CA10: variants seen among roughly 807,000 people sequenced by gnomAD.
The protein encoded by CA10 is carbonic anhydrase 10 (inactive), also known as carbonic anhydrase-related protein 10.
In CA10, 14 loss-of-function variants were observed where a neutral mutation model predicts 44.2. The observed-to-expected ratio is 0.32, with a 90% CI of 0.21 to 0.50. CA10 has a LOEUF of 0.50. Ranked by LOEUF, CA10 falls within the 20% of genes least tolerant of loss-of-function variation. The pLI is 0.99. For missense variants in CA10, 350 were observed against 409.7 expected (o/e 0.85, Z 1.26); for synonymous variants, 159 against 141.6 (o/e 1.12, Z -0.87).
intron 3 of CA10, among the ~76,000 whole-genome samples, chr17:51,904,143 C>G (rs1255693135): frequency 6.6e-6 from 1 of 151,344 alleles, no homozygotes; most frequent in African/African-American, 2.4e-5. Context: ...AGTGTTAAAA[C>G]TGAGAAAGCC....
At chr17:51,670,561 T>G (rs893965637) in intron 4 of CA10, among the ~76,000 whole-genome samples, 1 of 152,090 alleles carries the variant, frequency 6.6e-6, no homozygotes, top group South Asian at 2.1e-4. Context: ...CTTCTCTTGT[T>G]GGGCCCTGGC....
chr17:51,953,857 A>G (rs575077023), intron 2 of CA10, among the ~76,000 whole-genome samples: 1 of 152,284 alleles, frequency 6.6e-6, no homozygotes, highest in South Asian at 2.1e-4. Context: ...ATAAAAAGGG[A>G]AAGCAAGGTT....
intron 3 of CA10, among the ~76,000 whole-genome samples, chr17:51,857,664 G>A (rs1979114359): frequency 6.6e-6 from 1 of 152,160 alleles, no homozygotes; most frequent in Non-Finnish European, 1.5e-5. Context: ...TGGGGAAAGA[G>A]CAGCAGTCCT....
At chr17:51,799,234 G>T (rs927359869) in intron 3 of CA10, among the ~76,000 whole-genome samples, 1 of 152,070 alleles carries the variant, frequency 6.6e-6, no homozygotes, top group Non-Finnish European at 1.5e-5. Context: ...CAGTTATTTA[G>T]TTCCTTAACA....
At chr17:51,837,163 G>C (rs944822838) in intron 3 of CA10, among the ~76,000 whole-genome samples, 4 of 152,086 alleles carry the variant, frequency 2.6e-5, no homozygotes, top group African/African-American at 7.2e-5. Flanking sequence ...ATTGAGGTTA[G>C]TGCTATGTAA....
chr17:51,661,145 T>TTCCC (rs1913993072), intron 4 of CA10, among the ~76,000 whole-genome samples: 1 of 152,190 alleles, frequency 6.6e-6, no homozygotes, highest in African/African-American at 2.4e-5. Flanking sequence ...TAGACTGACT[T>TTCCC]TAGGCTTCAT....
intron 3 of CA10, among the ~76,000 whole-genome samples, chr17:51,780,330 G>A (rs1906008742): frequency 1.3e-5 from 2 of 152,180 alleles, no homozygotes; most frequent in Non-Finnish European, 2.9e-5. Flanking sequence ...GCTCATCAAG[G>A]TGGAGAGACT....
intron 3 of CA10, among the ~76,000 whole-genome samples, chr17:51,751,452 A>T (rs1904887253): frequency 6.6e-6 from 1 of 152,230 alleles, no homozygotes; most frequent in Non-Finnish European, 1.5e-5. Flanking sequence ...CAACAATAAA[A>T]AGTTGGTAAA....
At chr17:52,028,218 A>C (rs949979464) in intron 2 of CA10, among the ~76,000 whole-genome samples, 5 of 152,180 alleles carry the variant, frequency 3.3e-5, no homozygotes, top group Non-Finnish European at 5.9e-5. Flanking sequence ...ACATTTGGCC[A>C]AATTCTTACA....
chr17:51,822,921 CCTT>C (rs1261486241), intron 3 of CA10, among the ~76,000 whole-genome samples: 1 of 152,126 alleles, frequency 6.6e-6, no homozygotes, highest in Non-Finnish European at 1.5e-5. Context: ...CAGCCAGAAT[CCTT>C]CTACAATGGC....
At chr17:51,959,029 T>C in intron 2 of CA10, among the ~76,000 whole-genome samples, 1 of 152,044 alleles carries the variant, frequency 6.6e-6, no homozygotes, top group Non-Finnish European at 1.5e-5. Flanking sequence ...AGTTTTCTTC[T>C]TAATCCTCCA....
intron 3 of CA10, among the ~76,000 whole-genome samples, chr17:51,763,734 G>A (rs1179585446): frequency 6.6e-6 from 1 of 151,680 alleles, no homozygotes; most frequent in Non-Finnish European, 1.5e-5. Context: ...GTTCCTTTCA[G>A]TTGCTTATAT....
chr17:51,810,092 G>A (rs560151819), intron 3 of CA10, among the ~76,000 whole-genome samples: 3 of 152,206 alleles, frequency 2.0e-5, no homozygotes, highest in South Asian at 4.2e-4. Context: ...GAAAGACCCG[G>A]TCTGTAGTAG....
intron 3 of CA10, among the ~76,000 whole-genome samples, chr17:51,827,665 A>G (rs1006894185): frequency 6.6e-6 from 1 of 152,154 alleles, no homozygotes; most frequent in Non-Finnish European, 1.5e-5. Flanking sequence ...CTGGCAGGTA[A>G]TCGTTACTAG....
intron 3 of CA10, among the ~76,000 whole-genome samples, chr17:51,846,930 T>C (rs1978520895): frequency 6.6e-6 from 1 of 152,204 alleles, no homozygotes. Flanking sequence ...TAAATAAATG[T>C]TAATGTAATA....
In CA10 at chr17:51,701,224, G is replaced by T. The variant is rs186463653; in HGVS notation, c.465+46409C>A. Among the ~76,000 whole-genome samples, 1,040 of 152,130 alleles carry T rather than the reference G, an allele frequency of 6.8e-3. 16 individuals are homozygous for T. Among genetic ancestry groups the T allele is most frequent in the African/African-American group, 0.024 (1,003 of 41,502 alleles). On this transcript the variant is annotated intron_variant, in intron 4 of 8. Coordinates refer to ENST00000451037, the MANE Select transcript of CA10 (RefSeq NM_020178.5). ...CTGGCAATCCTTGGTGTTCCTCGGC[G>T]GGCGGCACCATCACTCCGGCCTCTG...
At chr17:51,931,921 A>G (rs1243732527) in intron 2 of CA10, among the ~76,000 whole-genome samples, 1 of 152,070 alleles carries the variant, frequency 6.6e-6, no homozygotes, top group African/African-American at 2.4e-5. Flanking sequence ...CCAACCTACT[A>G]ATTTTATATC....
intron 2 of CA10, among the ~76,000 whole-genome samples, chr17:52,072,069 C>T (rs762336179): frequency 2.4e-4 from 36 of 152,162 alleles, no homozygotes; most frequent in Non-Finnish European, 4.3e-4. Flanking sequence ...GACACAGCTT[C>T]GGCCCTTAAT....
At chr17:51,720,344 A>T (rs1225238659) in intron 4 of CA10, among the ~76,000 whole-genome samples, 3 of 152,156 alleles carry the variant, frequency 2.0e-5, no homozygotes, top group South Asian at 2.1e-4. Context: ...TGTTATTCAT[A>T]ATGAACACTT....
Sources: gnomAD v4.1 joint callset for allele counts (sites outside exome capture counted in the v4.1 genomes callset) on GRCh38, gnomAD v4.1.1 for gene constraint, MANE v1.5 for transcripts, NCBI Gene and HGNC (gene_info 2026-07-23, HGNC 2026-07-21) for gene names.